The following SYBU variants were observed in gnomAD, a reference collection of about 807,000 sequenced individuals.
The protein encoded by SYBU is GOLSYN A protein.
In SYBU, 21 loss-of-function variants were observed where a neutral mutation model predicts 35.9. That is an observed-to-expected ratio of 0.58 (90% CI 0.41 to 0.84). The LOEUF (loss-of-function observed/expected upper bound fraction) is 0.84, where lower values mean the gene tolerates loss of function less well. Among genes scored for constraint, SYBU ranks in the 40% least tolerant of loss-of-function variants. The pLI is 0.00. For synonymous variants in SYBU, 319 were observed against 324.3 expected, an observed-to-expected ratio of 0.98 and a Z score of 0.18; for missense variants, 768 against 848.2, an observed-to-expected ratio of 0.91 and a Z score of 1.17.
chr8:109,625,026 T>G (rs1812831109), intron 2 of SYBU, among the ~76,000 whole-genome samples: 1 of 152,192 alleles, frequency 6.6e-6, no homozygotes, highest in Admixed American at 6.5e-5. Context: ...AAATAGGCAC[T>G]TTTGAGAAAA....
At position 109,575,832 on chromosome 8, in the gene SYBU, G is replaced by T; in HGVS notation, c.1066C>A (p.Gln356Lys). ...SSLADKDKGI[Q>K]KYFVDINIQN... Reference sequence around the variant, plus strand: ...ATGTTTATGTCCACAAAATATTTCTGAATGCCTTTATCTTTATCAGCCAAG... The same window carrying T: ...ATGTTTATGTCCACAAAATATTTCTTAATGCCTTTATCTTTATCAGCCAAG... The change falls in exon 7 of 7, where the codon CAG becomes AAG. Residue 356 changes from glutamine (Q) to lysine (K), a missense_variant. By Grantham distance (53) the Gln-to-Lys change is moderately conservative. Coordinates refer to ENST00000276646, the MANE Select transcript of SYBU (RefSeq NM_001099754.2). 1 of 1,614,010 alleles carries T rather than the reference G, an allele frequency of 6.2e-7. No homozygotes were observed. Among genetic ancestry groups the T allele is most frequent in the Non-Finnish European group, 8.5e-7 (1 of 1,179,984 alleles).
At chr8:109,661,248 C>A (rs1056585060) in intron 1 of SYBU, among the ~76,000 whole-genome samples, 2 of 152,126 alleles carry the variant, frequency 1.3e-5, no homozygotes, top group Non-Finnish European at 2.9e-5. Context: ...CTGTGGTCTC[C>A]AAAGTTCAGA....
In SYBU at chr8:109,575,714, T is replaced by C; in HGVS notation, c.1184A>G (p.Asp395Gly). 6.2e-7 allele frequency: 1 copy of C among 1,614,122 alleles called. No individual in the cohort carries two copies. The highest frequency in any genetic ancestry group is 1.1e-5 in the South Asian group (1 of 91,070). Residue 395 changes from aspartate (D) to glycine (G), a missense_variant, in exon 7 of 7, where the codon GAT becomes GGT. Coordinates refer to ENST00000276646, the MANE Select transcript of SYBU (RefSeq NM_001099754.2). Reference sequence around the variant, plus strand: ...GAGGGTTAAGCTCTTCTCTGGGGAATCACATGGAAAGTCTAGGCACAGTTC... The same window carrying C: ...GAGGGTTAAGCTCTTCTCTGGGGAACCACATGGAAAGTCTAGGCACAGTTC... The part of the protein sequence containing the change: ...RDELCLDFPC[D>G]SPEKSLTLNP...
intron 3 of SYBU, among the ~76,000 whole-genome samples, chr8:109,605,573 G>A (rs1452253642): frequency 1.3e-5 from 2 of 152,064 alleles, no homozygotes; most frequent in African/African-American, 2.4e-5. Flanking sequence ...CAGAAGAAGT[G>A]GAAATTAAAG....
At chr8:109,624,787 C>T (rs1812802207) in intron 2 of SYBU, among the ~76,000 whole-genome samples, 1 of 148,922 alleles carries the variant, frequency 6.7e-6, no homozygotes, top group South Asian at 2.1e-4. Context: ...TGGCAAACTG[C>T]AGCCTGCAGG....
chr8:109,607,808 T>TCACACA (rs71305960), intron 3 of SYBU: 46,113 of 372,974 alleles, frequency 0.12, 2,272 homozygotes, highest in African/African-American at 0.23. Context: ...CACAACTAAC[T>TCACACA]CACACACACA....
At chr8:109,648,539 A>G (rs1815950616), upstream of SYBU, 1 of 152,034 alleles carries the variant, frequency 6.6e-6, no homozygotes, top group Non-Finnish European at 1.5e-5. Context: ...CAGATAACTG[A>G]AAAAGCATAG....
intron 3 of SYBU, among the ~76,000 whole-genome samples, chr8:109,614,349 T>C (rs138551103): frequency 6.6e-6 from 1 of 152,358 alleles, no homozygotes; most frequent in East Asian, 1.9e-4. Flanking sequence ...AGGTCTTTCA[T>C]TTCTGGGTAG....
At chr8:109,653,973 G>A (rs1816256002) in intron 1 of SYBU, among the ~76,000 whole-genome samples, 1 of 152,114 alleles carries the variant, frequency 6.6e-6, no homozygotes, top group African/African-American at 2.4e-5. Flanking sequence ...ATTATTGAGA[G>A]TATCAGAGGA....
chr8:109,661,466 G>A (rs1176175673), intron 1 of SYBU, among the ~76,000 whole-genome samples: 1 of 152,146 alleles, frequency 6.6e-6, no homozygotes. Flanking sequence ...GCTTAGACAG[G>A]GATGTCCCTC....
At chr8:109,656,047 C>T (rs776213265) in intron 1 of SYBU, among the ~76,000 whole-genome samples, 4 of 151,738 alleles carry the variant, frequency 2.6e-5, no homozygotes, top group East Asian at 1.9e-4. Context: ...ACCCAGGAAG[C>T]GGAGGTTGCA....
chr8:109,607,938 T>C, intron 3 of SYBU: 3 of 1,534,366 alleles, frequency 2.0e-6, no homozygotes, highest in South Asian at 2.4e-5. Context: ...TAGACTTTCA[T>C]GGCAAACATT....
upstream of SYBU, among the ~76,000 whole-genome samples, chr8:109,685,618 G>A (rs945590351): frequency 1.3e-5 from 2 of 152,090 alleles, no homozygotes; most frequent in African/African-American, 2.4e-5. Context: ...TATATTTAAG[G>A]TTTCTCAGGG....
intron 3 of SYBU, among the ~76,000 whole-genome samples, chr8:109,604,668 G>T (rs1293544075): frequency 2.0e-5 from 3 of 152,194 alleles, no homozygotes; most frequent in Admixed American, 6.5e-5. Flanking sequence ...TACTGTCCCT[G>T]GTTCTCTGGG....
Position 109,579,900 on chromosome 8 carries a change from A to T in SYBU, c.633T>A (p.Asn211Lys), listed in dbSNP as rs780162441. ...GATGGATATTGACAGGGCTCAGCTG[A>T]TTCCTGCACAGCATGGACAGAAGGT... Reference protein sequence around the residue: ...EKDLLSMLCRNQLSPVNIHPS... With the variant: ...EKDLLSMLCRKQLSPVNIHPS... The change falls in exon 5 of 7, where the codon AAT becomes AAA. Residue 211 changes from asparagine to lysine, a missense_variant. Coordinates refer to ENST00000276646, the MANE Select transcript of SYBU (RefSeq NM_001099754.2). The T allele has an allele frequency of 1.2e-6, 2 of 1,614,086 alleles. No individual in the cohort carries two copies. Among genetic ancestry groups the T allele is most frequent in the Non-Finnish European group, 1.7e-6 (2 of 1,180,024 alleles).
chr8:109,620,993 T>C (rs1404812596), intron 2 of SYBU, among the ~76,000 whole-genome samples: 1 of 152,214 alleles, frequency 6.6e-6, no homozygotes, highest in African/African-American at 2.4e-5. Context: ...AATCTAATCA[T>C]TCAACATTCC....
At chr8:109,668,147 A>T (rs1816824131) in intron 1 of SYBU, among the ~76,000 whole-genome samples, 1 of 87,778 alleles carries the variant, frequency 1.1e-5, no homozygotes, top group South Asian at 4.8e-4. Flanking sequence ...AAGGAAGAAG[A>T]GGCAGAGGGG....
At chr8:109,576,587 T>TAAAC (rs1280995948) in intron 6 of SYBU, among the ~76,000 whole-genome samples, 8 of 152,164 alleles carry the variant, frequency 5.3e-5, no homozygotes, top group Admixed American at 5.2e-4. Context: ...ATTCCAATGA[T>TAAAC]AAACATTTTT....
At chr8:109,577,736 G>T in intron 6 of SYBU, 132 bp downstream of exon 6, 1 of 1,010,892 alleles carries the variant, frequency 9.9e-7, no homozygotes, top group Non-Finnish European at 1.4e-6. Context: ...TTCAGAGGCT[G>T]ACTTTAAAAA....
Sources: gnomAD v4.1 joint callset for allele counts (sites outside exome capture counted in the v4.1 genomes callset) on GRCh38, gnomAD v4.1.1 for gene constraint, MANE v1.5 for transcripts, NCBI Gene and HGNC (gene_info 2026-07-23, HGNC 2026-07-21) for gene names.